Variants in RAPGEF6 observed in about 807,000 individuals in gnomAD.
The protein encoded by RAPGEF6 is PDZ domain containing guanine nucleotide exchange factor (GEF) 2.
In RAPGEF6, 56 loss-of-function variants were observed where a neutral mutation model predicts 171.4. The observed-to-expected ratio is 0.33, with a 90% CI of 0.26 to 0.41. The LOEUF is 0.41. Among genes scored for constraint, RAPGEF6 ranks in the 10% least tolerant of loss-of-function variants. The pLI is 1.00. For missense variants in RAPGEF6, 1,674 were observed against 1,921.4 expected, an observed-to-expected ratio of 0.87 and a Z score of 2.41; for synonymous variants, 692 against 650.1, an observed-to-expected ratio of 1.06 and a Z score of -0.98.
At chr5:131,472,177 T>C (rs1027773922) in intron 17 of RAPGEF6, 4 of 261,546 alleles carry the variant, frequency 1.5e-5, no homozygotes, top group African/African-American at 9.0e-5. Context: ...GTTCACGCCA[T>C]TCTCCTGCCT....
chr5:131,461,990 CT>C lies in RAPGEF6; in HGVS notation c.2578del (p.Ser860ValfsTer11). 3 of 1,614,148 alleles carry C rather than the reference CT, an allele frequency of 1.9e-6. No homozygotes were observed. The highest frequency in any genetic ancestry group is 2.5e-6 in the Non-Finnish European group (3 of 1,180,000). The part of the protein sequence containing the change: ...KESQLSMLQL[S>X]TIEVATQLSM... ...CAGCTGGGTGGCCACCTCAATGGTA[CT>C]GAGCTGCAGCATGGATAGCTGGCTT... On this transcript the variant is annotated frameshift_variant, in exon 19 of 28. Coordinates refer to ENST00000509018, the MANE Select transcript of RAPGEF6 (RefSeq NM_016340.6). LOFTEE classifies it high-confidence loss of function.
chr5:131,540,320 T>C (rs1017701700), intron 6 of RAPGEF6, among the ~76,000 whole-genome samples: 1 of 152,182 alleles, frequency 6.6e-6, no homozygotes, highest in Non-Finnish European at 1.5e-5. Context: ...ATGATCCCAG[T>C]GTTTTGGGAG....
chr5:131,477,307 T>G (rs191299983), intron 16 of RAPGEF6, among the ~76,000 whole-genome samples: 181 of 152,320 alleles, frequency 1.2e-3, no homozygotes, highest in African/African-American at 4.3e-3. Flanking sequence ...ATAATTAGCA[T>G]TTTACTCCTT....
intron 5 of RAPGEF6, among the ~76,000 whole-genome samples, chr5:131,560,704 A>C (rs1430218498): frequency 5.9e-5 from 9 of 152,228 alleles, no homozygotes; most frequent in Admixed American, 2.0e-4. Context: ...CATTCACTGA[A>C]TACTTACTAT....
At chr5:131,580,571 T>A (rs559589827) in intron 4 of RAPGEF6, among the ~76,000 whole-genome samples, 8 of 152,324 alleles carry the variant, frequency 5.3e-5, no homozygotes, top group South Asian at 2.1e-4. Context: ...CGCCAGCACG[T>A]TGTCACCTCT....
chr5:131,625,581 C>T (rs559339064), intron 1 of RAPGEF6, among the ~76,000 whole-genome samples: 6 of 152,084 alleles, frequency 3.9e-5, no homozygotes, highest in South Asian at 2.1e-4. Flanking sequence ...TTTGGGAGGC[C>T]GAGGTGGGTG....
At chr5:131,580,363 T>C (rs1428957139) in intron 4 of RAPGEF6, among the ~76,000 whole-genome samples, 1 of 152,154 alleles carries the variant, frequency 6.6e-6, no homozygotes, top group East Asian at 1.9e-4. Context: ...ACCCGGAACT[T>C]GTGCTGGCCG....
intron 5 of RAPGEF6, among the ~76,000 whole-genome samples, chr5:131,551,727 G>C (rs1760939670): frequency 6.6e-6 from 1 of 152,044 alleles, no homozygotes; most frequent in Admixed American, 6.6e-5. Context: ...AGGCTTTACA[G>C]AGTAAAAATG....
chr5:131,480,097 A>G (rs1755368217), intron 15 of RAPGEF6, among the ~76,000 whole-genome samples: 1 of 152,204 alleles, frequency 6.6e-6, no homozygotes, highest in South Asian at 2.1e-4. Context: ...CTAATTTTAT[A>G]GAAACAGATA....
chr5:131,498,515 T>C lies in RAPGEF6; in HGVS notation c.1347A>G (p.Thr449=), dbSNP rs1441710640. The change falls in exon 12 of 28, where the codon ACA becomes ACG. Residue 449 remains threonine, a synonymous_variant. Transcript: ENST00000509018. ...CAACATCCAAAGGACTTTCAAGAAATGTCCTGTAAGTTAATAGAAAATCTT... is the reference window on the plus strand; with the variant it reads ...CAACATCCAAAGGACTTTCAAGAAACGTCCTGTAAGTTAATAGAAAATCTT... The part of the protein sequence containing the change: ...YIEDFLLTYR[T]FLESPLDVGI... 6.2e-7 allele frequency: 1 copy of C among 1,613,532 alleles called. No homozygotes were observed. Among genetic ancestry groups the C allele is most frequent in the African/African-American group, 1.3e-5 (1 of 74,912 alleles).
At chr5:131,511,499 T>C (rs1328310410) in intron 7 of RAPGEF6, among the ~76,000 whole-genome samples, 4 of 149,152 alleles carry the variant, frequency 2.7e-5, no homozygotes, top group African/African-American at 7.5e-5. Flanking sequence ...TTTTTTTTTC[T>C]TTTTTTTGAG....
In RAPGEF6 at chr5:131,634,969, G is replaced by A; in HGVS notation, c.62C>T (p.Thr21Ile). The A allele has an allele frequency of 6.2e-7, 1 of 1,614,092 alleles. No homozygotes were observed. Among genetic ancestry groups the A allele is most frequent in the South Asian group, 1.1e-5 (1 of 91,088 alleles). Residue 21 changes from threonine to isoleucine, a missense_variant, in exon 1 of 28, where the codon ACT becomes ATT. Thr to Ile is a moderately conservative substitution (Grantham distance 89). Around this residue, in one of 3 missense-constraint regions of RAPGEF6, gnomAD observed 1,116 missense variants for 1,321.5 expected, o/e 0.84. Coordinates refer to ENST00000509018, the MANE Select transcript of RAPGEF6 (RefSeq NM_016340.6). ...QALRKKPPER[T>I]PEDLNTIYSY... The stretch of plus-strand genomic sequence containing the variant: ...AAGGTCAACCAGCCTCACCTCGGGA[G>A]TCCGCTCGGGTGGCTTCTTCCTCAA...
At chr5:131,495,745 A>G in intron 12 of RAPGEF6, 85 bp from the exon 13 acceptor site, 1 of 1,491,152 alleles carries the variant, frequency 6.7e-7, no homozygotes, top group South Asian at 1.3e-5. Flanking sequence ...TCTAAAACTC[A>G]TGAAGAACTG....
At chr5:131,492,215 T>C (rs1312228278) in intron 14 of RAPGEF6, among the ~76,000 whole-genome samples, 1 of 152,182 alleles carries the variant, frequency 6.6e-6, no homozygotes, top group Non-Finnish European at 1.5e-5. Flanking sequence ...GAGGTAGAAG[T>C]GCTGTCTTCT....
At chr5:131,515,719 T>C (rs1213077144) in intron 7 of RAPGEF6, among the ~76,000 whole-genome samples, 1 of 152,142 alleles carries the variant, frequency 6.6e-6, no homozygotes, top group Non-Finnish European at 1.5e-5. Context: ...AACATGAAAA[T>C]GTCATCTTCA....
chr5:131,615,198 A>C (rs1241985180), intron 1 of RAPGEF6, among the ~76,000 whole-genome samples: 1 of 152,194 alleles, frequency 6.6e-6, no homozygotes, highest in Non-Finnish European at 1.5e-5. Flanking sequence ...ATGCCTAGTA[A>C]ATCCTAGTCC....
Position 131,461,869 on chromosome 5 carries a change from C to T in RAPGEF6, c.2700G>A (p.Leu900=), listed in dbSNP as rs1352268200. ...GGTTTACAATGTCCTCAAACCTCTT[C>T]AAATGAGTATTTCCTGTTTTGGAAT... ...KLNSKTGNTH[L]KRFEDIVNQE... The change falls in exon 19 of 28, where the codon TTG becomes TTA. Residue 900 remains leucine, a synonymous_variant. Coordinates refer to ENST00000509018, the MANE Select transcript of RAPGEF6 (RefSeq NM_016340.6). 6.2e-7 allele frequency: 1 copy of T among 1,613,978 alleles called. No individual in the cohort carries two copies. Among genetic ancestry groups the T allele is most frequent in the Non-Finnish European group, 8.5e-7 (1 of 1,179,990 alleles).
intron 13 of RAPGEF6, among the ~76,000 whole-genome samples, chr5:131,495,061 G>A (rs762252724): frequency 3.9e-5 from 6 of 152,254 alleles, no homozygotes; most frequent in East Asian, 3.9e-4. Flanking sequence ...CTGGAAGGCC[G>A]AGGCGGGCGG....
At chr5:131,489,977 T>C (rs755498725) in intron 14 of RAPGEF6, among the ~76,000 whole-genome samples, 3 of 152,302 alleles carry the variant, frequency 2.0e-5, no homozygotes, top group South Asian at 2.1e-4. Context: ...ATAAAAATTA[T>C]TGCCTGCAAA....
Sources: gnomAD v4.1 joint callset for allele counts (sites outside exome capture counted in the v4.1 genomes callset) on GRCh38, gnomAD v4.1.1 for gene constraint, gnomAD v4.1.1 regional missense constraint, MANE v1.5 for transcripts, NCBI Gene and HGNC (gene_info 2026-07-23, HGNC 2026-07-21) for gene names.